The following GFRAL variants were observed in gnomAD, a reference collection of about 807,000 sequenced individuals.
GFRAL encodes the protein GDNF family receptor alpha-like.
GFRAL carries 36 observed loss-of-function variants against 45.4 expected under a neutral mutation model. That is an observed-to-expected ratio of 0.79 (90% confidence interval 0.61 to 1.05). GFRAL has a LOEUF of 1.05. Among genes scored for constraint, GFRAL ranks in the 50% least tolerant of loss-of-function variants. The pLI, the probability that GFRAL is intolerant of heterozygous loss-of-function variation, is 0.00. For synonymous variants in GFRAL, 166 were observed against 154.1 expected, an observed-to-expected ratio of 1.08 and a Z score of -0.57; for missense variants, 507 against 467.5, an observed-to-expected ratio of 1.08 and a Z score of -0.78.
chr6:55,350,892 G>T (rs906144444), intron 4 of GFRAL, among the ~76,000 whole-genome samples: 1 of 152,054 alleles, frequency 6.6e-6, no homozygotes, highest in Non-Finnish European at 1.5e-5. Flanking sequence ...GAATCATTTT[G>T]CCTTGAGCCA....
chr6:55,341,152 G>C (rs1767959337), intron 3 of GFRAL, among the ~76,000 whole-genome samples: 2 of 152,198 alleles, frequency 1.3e-5, no homozygotes, highest in Non-Finnish European at 2.9e-5. Context: ...AAATGTCCCT[G>C]TTTGACAGTT....
intron 1 of GFRAL, among the ~76,000 whole-genome samples, chr6:55,331,501 C>A (rs4715531): frequency 0.92 from 140,334 of 152,182 alleles, 65,480 homozygotes; most frequent in Non-Finnish European, 1. Context: ...GATGATGAGA[C>A]GTCAAAATGA....
intron 6 of GFRAL, among the ~76,000 whole-genome samples, chr6:55,360,282 T>A (rs1185113269): frequency 1.3e-5 from 2 of 151,992 alleles, no homozygotes; most frequent in South Asian, 2.1e-4. Context: ...TAGCTGTAAC[T>A]ACCATATCTG....
At chr6:55,345,864 T>C (rs542261759) in intron 3 of GFRAL, among the ~76,000 whole-genome samples, 4 of 151,312 alleles carry the variant, frequency 2.6e-5, no homozygotes, top group Admixed American at 1.3e-4. Context: ...AACAACCCCA[T>C]CAAAAAGTGA....
At chr6:55,347,422 T>A (rs1768057678) in intron 3 of GFRAL, among the ~76,000 whole-genome samples, 1 of 152,142 alleles carries the variant, frequency 6.6e-6, no homozygotes, top group Non-Finnish European at 1.5e-5. Context: ...AAGATGGTTT[T>A]GTCCCAAAAG....
chr6:55,354,607 A>G (rs1260359892), intron 5 of GFRAL, among the ~76,000 whole-genome samples: 1 of 151,998 alleles, frequency 6.6e-6, no homozygotes, highest in African/African-American at 2.4e-5. Context: ...TGAAAAGACA[A>G]ATCCTATCAT....
intron 6 of GFRAL, among the ~76,000 whole-genome samples, chr6:55,394,536 GT>G (rs2127366472): frequency 6.6e-6 from 1 of 152,266 alleles, no homozygotes; most frequent in Admixed American, 6.5e-5. Context: ...AGTGAAATGG[GT>G]TGAGGATCAG....
chr6:55,376,243 T>C (rs1412766020), intron 6 of GFRAL, among the ~76,000 whole-genome samples: 1 of 152,154 alleles, frequency 6.6e-6, no homozygotes, highest in Non-Finnish European at 1.5e-5. Context: ...TTTTTTGTGC[T>C]GCTGGATTCG....
At chr6:55,376,745 T>C (rs1485848342) in intron 6 of GFRAL, among the ~76,000 whole-genome samples, 1 of 152,048 alleles carries the variant, frequency 6.6e-6, no homozygotes, top group Non-Finnish European at 1.5e-5. Context: ...TTTTCTTCTT[T>C]ACTAGTCTAG....
Position 55,359,225 on chromosome 6 carries a change from A to G in GFRAL, c.952+87A>G, listed in dbSNP as rs534170483. ...TCTATTTTGTTTTTGCCTATACAGT[A>G]AAAGAGGTAATCCAGCACAGACATT... On this transcript the variant is annotated intron_variant, in intron 6 of 8. Coordinates refer to ENST00000340465, the MANE Select transcript of GFRAL (RefSeq NM_207410.2). 798 of 1,057,440 alleles carry G rather than the reference A, an allele frequency of 7.5e-4. 11 individuals carry two copies. In the South Asian group the frequency reaches 0.013, roughly 17 times the overall value. 65.5% of individuals were successfully genotyped at this position (1,057,440 alleles called of 1,614,324 possible). A position where few individuals can be genotyped will look rare whatever the true frequency, so the allele number is the denominator to read the frequency against.
intron 6 of GFRAL, among the ~76,000 whole-genome samples, chr6:55,366,323 T>C (rs1768362661): frequency 6.6e-6 from 1 of 152,072 alleles, no homozygotes; most frequent in Admixed American, 6.5e-5. Context: ...TATTTGATTC[T>C]GCTCTTTTTT....
In GFRAL at chr6:55,401,853, A is replaced by G; in HGVS notation, c.1185A>G (p.Ter395TrpextTer76). The change falls in exon 9 of 9, where the codon TGA (stop) becomes TGG (tryptophan). Residue 395 changes from the stop codon to tryptophan, a stop_lost. Coordinates refer to ENST00000340465, the MANE Select transcript of GFRAL (RefSeq NM_207410.2). ...CGATCCAAATACCTGGAGAACTCTGATTCATTAGGAGTCATGGACCTATAA... is the reference window on the plus strand; with the variant it reads ...CGATCCAAATACCTGGAGAACTCTGGTTCATTAGGAGTCATGGACCTATAA... ...PSSIQIPGEL[*>W] The G allele has an allele frequency of 6.8e-7, 1 of 1,473,238 alleles. No individual in the cohort carries two copies. The highest frequency in any genetic ancestry group is 1.7e-4 in the Middle Eastern group (1 of 5,802). The allele number at this position is 1,473,238 out of a possible 1,614,324, so 91.3% of individuals were successfully genotyped here.
intron 5 of GFRAL, among the ~76,000 whole-genome samples, chr6:55,357,703 A>G (rs1768214021): frequency 6.6e-6 from 1 of 151,794 alleles, no homozygotes; most frequent in Admixed American, 6.6e-5. Context: ...AGTGTACCAA[A>G]GTAGTATTTT....
intron 3 of GFRAL, among the ~76,000 whole-genome samples, chr6:55,345,242 C>A (rs1386978982): frequency 6.6e-6 from 1 of 152,160 alleles, no homozygotes; most frequent in East Asian, 1.9e-4. Context: ...CCAAGACAAT[C>A]CTAAGCCAAA....
intron 6 of GFRAL, among the ~76,000 whole-genome samples, chr6:55,359,575 G>A (rs531921546): frequency 3.3e-5 from 5 of 151,866 alleles, no homozygotes; most frequent in East Asian, 1.9e-4. Flanking sequence ...ATGGTCTTTT[G>A]GGGGGTCACT....
intron 6 of GFRAL, among the ~76,000 whole-genome samples, chr6:55,378,875 C>T (rs1768569182): frequency 6.6e-6 from 1 of 152,100 alleles, no homozygotes; most frequent in Admixed American, 6.6e-5. Flanking sequence ...GTCATCTGTG[C>T]ATGGACAGTA....
At chr6:55,352,253 A>G (rs773798882) in intron 5 of GFRAL, among the ~76,000 whole-genome samples, 1 of 152,100 alleles carries the variant, frequency 6.6e-6, no homozygotes, top group Non-Finnish European at 1.5e-5. Context: ...ATTGCAAACC[A>G]TACATAATAA....
intron 8 of GFRAL, among the ~76,000 whole-genome samples, chr6:55,401,414 C>T (rs1356040941): frequency 6.6e-6 from 1 of 152,194 alleles, no homozygotes; most frequent in Non-Finnish European, 1.5e-5. Context: ...AGACATTGTT[C>T]ACTCACCTGA....
intron 6 of GFRAL, among the ~76,000 whole-genome samples, chr6:55,393,407 A>T (rs1328508964): frequency 6.6e-6 from 1 of 152,064 alleles, no homozygotes; most frequent in Non-Finnish European, 1.5e-5. Context: ...AATTCTAAAA[A>T]CTCTGCCTCT....
Sources: gnomAD v4.1 joint callset for allele counts (sites outside exome capture counted in the v4.1 genomes callset) on GRCh38, gnomAD v4.1.1 for gene constraint, MANE v1.5 for transcripts, NCBI Gene and HGNC (gene_info 2026-07-23, HGNC 2026-07-21) for gene names.